The following RTL4 variants were observed in gnomAD, a reference collection of about 807,000 sequenced individuals.
The protein encoded by RTL4 is retrotransposon Gag like 4.
RTL4 carries 4 observed loss-of-function variants against 5.3 expected under a neutral mutation model. The ratio of observed to expected loss-of-function variants is 0.75; its 90% confidence interval spans 0.37 to 1.72. RTL4 has a LOEUF of 1.72. Ranked by LOEUF, RTL4 falls within the 40% of genes most tolerant of loss-of-function variation. The pLI, the probability that RTL4 is intolerant of heterozygous loss-of-function variation, is 0.04. For missense variants in RTL4, 260 were observed against 227.1 expected (o/e 1.14, Z -0.93); for synonymous variants, 98 against 87.3 (o/e 1.12, Z -0.68).
At chrX:112,265,193 G>A in the RTL4 span, among the ~76,000 whole-genome samples, 263 of 112,847 alleles carry the variant, frequency 2.3e-3, 1 homozygote, top group Middle Eastern at 0.023. Context: ...CACAGGTAAC[G>A]CTGTTCAAAT....
chrX:112,452,089 C>CTTTTT (rs763942705), upstream of RTL4, among the ~76,000 whole-genome samples: 1 of 91,001 alleles, frequency 1.1e-5, no homozygotes, highest in Non-Finnish European at 2.2e-5. Context: ...TGGGAAAGAC[C>CTTTTT]TTTTTTTTTT....
At chrX:112,238,099 G>T in the RTL4 span, among the ~76,000 whole-genome samples, 2 of 111,815 alleles carry the variant, frequency 1.8e-5, no homozygotes, top group South Asian at 7.6e-4. Context: ...TATCCCTTCA[G>T]CCCTGTAATT....
the RTL4 span, among the ~76,000 whole-genome samples, chrX:112,135,015 A>G: frequency 1.8e-5 from 2 of 112,274 alleles, no homozygotes; most frequent in East Asian, 2.8e-4. Flanking sequence ...ATGAACATTC[A>G]TATGCAAATG....
chrX:112,337,919 C>G, the RTL4 span, among the ~76,000 whole-genome samples: 1 of 111,545 alleles, frequency 9.0e-6, no homozygotes, highest in Non-Finnish European at 1.9e-5. Context: ...GACAAATTCT[C>G]TAGGCTCTCT....
the RTL4 span, among the ~76,000 whole-genome samples, chrX:112,413,167 C>T: frequency 2.7e-5 from 3 of 111,506 alleles, no homozygotes; most frequent in Non-Finnish European, 3.8e-5. Context: ...ATCATCTCAC[C>T]CCAGTTAAAA....
At chrX:112,310,595 ATTATATATAT>A in the RTL4 span, among the ~76,000 whole-genome samples, 17 of 34,722 alleles carry the variant, frequency 4.9e-4, no homozygotes, top group Admixed American at 5.7e-4. Flanking sequence ...TATATTATAT[ATTATATATAT>A]TTATATATAT....
chrX:112,193,849 A>G, the RTL4 span, among the ~76,000 whole-genome samples: 1 of 112,193 alleles, frequency 8.9e-6, no homozygotes, highest in Non-Finnish European at 1.9e-5. Context: ...TAATGATTAG[A>G]CACTCAGAAC....
At chrX:112,186,740 G>A in the RTL4 span, among the ~76,000 whole-genome samples, 1 of 112,027 alleles carries the variant, frequency 8.9e-6, no homozygotes, top group Non-Finnish European at 1.9e-5. Flanking sequence ...TATGAGTTGT[G>A]ATTGTAGAAC....
At chrX:112,291,704 C>T in the RTL4 span, among the ~76,000 whole-genome samples, 1 of 110,698 alleles carries the variant, frequency 9.0e-6, no homozygotes, top group East Asian at 2.8e-4. Context: ...TCACGCCATT[C>T]TCCTGCCTCA....
the RTL4 span, among the ~76,000 whole-genome samples, chrX:112,230,153 T>C: frequency 2.7e-5 from 3 of 112,698 alleles, no homozygotes; most frequent in Non-Finnish European, 5.6e-5. Context: ...CAGGCAGGCC[T>C]CCTTGAGCTG....
chrX:112,327,491 A>C, the RTL4 span, among the ~76,000 whole-genome samples: 3 of 110,074 alleles, frequency 2.7e-5, no homozygotes, highest in African/African-American at 9.9e-5. Flanking sequence ...AGCCTCCAAG[A>C]AATATGGGAC....
the RTL4 span, among the ~76,000 whole-genome samples, chrX:112,289,760 G>A: frequency 1.4e-3 from 121 of 88,787 alleles, no homozygotes; most frequent in African/African-American, 6.0e-3. Flanking sequence ...GTGTGTACGT[G>A]TGTGTATAAT....
At chrX:112,278,330 G>T in the RTL4 span, among the ~76,000 whole-genome samples, 1 of 112,042 alleles carries the variant, frequency 8.9e-6, no homozygotes. Context: ...TATGTTGGCA[G>T]TTTCTAAAAC....
chrX:112,327,474 TG>T, the RTL4 span, among the ~76,000 whole-genome samples: 3 of 109,418 alleles, frequency 2.7e-5, no homozygotes, highest in South Asian at 8.1e-4. Context: ...TAAAAAGAAA[TG>T]AACAAAGCCT....
chrX:112,099,036 G>T, the RTL4 span, among the ~76,000 whole-genome samples: 1 of 112,044 alleles, frequency 8.9e-6, no homozygotes, highest in Non-Finnish European at 1.9e-5. Context: ...TGACAAATGG[G>T]ATCTAATTAA....
chrX:112,100,488 A>G, the RTL4 span, among the ~76,000 whole-genome samples: 1 of 112,005 alleles, frequency 8.9e-6, no homozygotes, highest in Non-Finnish European at 1.9e-5. Flanking sequence ...TAAAACAAAG[A>G]CTGTTACAAG....
chrX:112,424,912 A>T, the RTL4 span, among the ~76,000 whole-genome samples: 1 of 111,081 alleles, frequency 9.0e-6, no homozygotes, highest in Non-Finnish European at 1.9e-5. Context: ...TTTATGATGG[A>T]TGAAGCTACA....
At chrX:112,194,238 A>G in the RTL4 span, among the ~76,000 whole-genome samples, 1 of 112,025 alleles carries the variant, frequency 8.9e-6, no homozygotes, top group Admixed American at 9.5e-5. Flanking sequence ...GTTATAGACT[A>G]AATATTTGTG....
At chrX:112,083,037 C>T in the RTL4 span, among the ~76,000 whole-genome samples, 3 of 110,072 alleles carry the variant, frequency 2.7e-5, no homozygotes, top group African/African-American at 9.9e-5. Context: ...AGCTCCGCGG[C>T]CAGGGGTGGA....
Sources: allele counts gnomAD v4.1 joint callset (sites outside exome capture counted in the v4.1 genomes callset), GRCh38; gene constraint gnomAD v4.1.1; transcripts MANE v1.5; gene names NCBI Gene and HGNC (gene_info 2026-07-23, HGNC 2026-07-21).